Variants in AR observed in about 807,000 individuals in gnomAD.
AR encodes the protein androgen receptor.
A neutral mutation model predicts 53.9 loss-of-function variants in AR; 8 were observed. The ratio of observed to expected loss-of-function variants is 0.15; its 90% CI spans 0.09 to 0.27. The LOEUF (loss-of-function observed/expected upper bound fraction) is 0.27. AR is among the 10% of genes least tolerant of loss of function. The probability of loss-of-function intolerance (pLI) is 1.00; values close to 1 mark genes in which losing one functional copy is unlikely to be tolerated. For missense variants in AR, 639 were observed against 742.5 expected (o/e 0.86, Z 1.62); for synonymous variants, 359 against 316.4 (o/e 1.13, Z -1.43).
rs774151226 is a variant in AR at position 67,717,712 on chromosome X, T to C, written c.2318+90T>C. 175 of 1,133,174 alleles carry C rather than the reference T, an allele frequency of 1.5e-4. No homozygotes were observed. In the Middle Eastern group the frequency reaches 0.01, roughly 68 times the overall value. 93.4% of individuals were successfully genotyped at this position (1,133,174 alleles called of 1,213,427 possible). On this transcript the variant is annotated intron_variant, in intron 5 of 7. Coordinates refer to ENST00000374690, the MANE Select transcript of AR (RefSeq NM_000044.6). Reference sequence around the variant, plus strand: ...GATGGTGATGGGGTGACAGTGAAGCTTAGCTCATTTGATCTGCAGTTGTCG... The same window carrying C: ...GATGGTGATGGGGTGACAGTGAAGCCTAGCTCATTTGATCTGCAGTTGTCG...
Position 67,723,992 on chromosome X carries a change from T to C in AR, c.*151T>C. 2.5e-6 allele frequency: 2 copies of C among 785,103 alleles called. No individual in the cohort carries two copies. The highest frequency in any genetic ancestry group is 5.3e-5 in the South Asian group (2 of 37,795). 64.7% of individuals were successfully genotyped at this position (785,103 alleles called of 1,213,427 possible). ...CATGAACATGTTCCTGAATTCTATT[T>C]GCTGGGCTTTTTTTTTCTCTTTCTC... On this transcript the variant is annotated 3_prime_UTR_variant, in exon 8 of 8. Transcript: ENST00000374690.
At chrX:67,546,813 T>C in intron 1 of AR, 51 bp downstream of exon 1, 4 of 1,145,889 alleles carry the variant, frequency 3.5e-6, no homozygotes, top group Non-Finnish European at 4.7e-6. Context: ...GCAGAGTCAC[T>C]CTGTGTTCTG....
intron 1 of AR, among the ~76,000 whole-genome samples, chrX:67,558,548 T>G (rs1488370135): frequency 9.0e-6 from 1 of 111,595 alleles, no homozygotes. Context: ...GCTCTGCCCC[T>G]ATTATAGTCC....
At chrX:67,705,663 C>A (rs969884390) in intron 3 of AR, among the ~76,000 whole-genome samples, 6 of 111,492 alleles carry the variant, frequency 5.4e-5, no homozygotes, top group Non-Finnish European at 1.1e-4. Context: ...ATTGTCCTAG[C>A]CAGAACTTCC....
Position 67,544,849 on chromosome X carries a change from G to GT in AR, c.-291dup, listed in dbSNP as rs966310966. The GT allele has an allele frequency of 1.9e-5, 5 of 257,521 alleles. No individual in the cohort carries two copies. Among genetic ancestry groups the GT allele is most frequent in the African/African-American group, 8.4e-5 (3 of 35,804 alleles). 21.2% of individuals were successfully genotyped at this position (257,521 alleles called of 1,213,427 possible). On this transcript the variant is annotated 5_prime_UTR_variant, in exon 1 of 8. Transcript: ENST00000374690. ...CTGAATTTGGAAGGTGGAGGATTTT[G>GT]TTTTTTTCTTTTAAGATCTGGGCAT...
At chrX:67,562,260 A>G (rs1249851917) in intron 1 of AR, among the ~76,000 whole-genome samples, 3 of 110,085 alleles carry the variant, frequency 2.7e-5, no homozygotes, top group African/African-American at 3.3e-5. Context: ...CAATGTGCCC[A>G]GCCTGAAAGA....
chrX:67,709,463 T>C (rs912649207), intron 3 of AR, among the ~76,000 whole-genome samples: 4 of 112,474 alleles, frequency 3.6e-5, no homozygotes, highest in Non-Finnish European at 7.5e-5. Context: ...AATCTCCTGG[T>C]GTGCCGTTTG....
At chrX:67,674,884 G>A (rs2075890091) in intron 2 of AR, among the ~76,000 whole-genome samples, 1 of 111,099 alleles carries the variant, frequency 9.0e-6, no homozygotes, top group South Asian at 3.9e-4. Context: ...AGCCACCACA[G>A]CTGGGAATAT....
At chrX:67,602,235 C>T (rs1329435101) in intron 1 of AR, among the ~76,000 whole-genome samples, 3 of 111,702 alleles carry the variant, frequency 2.7e-5, no homozygotes, top group African/African-American at 9.8e-5. Context: ...AATATTTTTA[C>T]CCGGACTGAG....
intron 1 of AR, among the ~76,000 whole-genome samples, chrX:67,560,384 T>C (rs1180225509): frequency 8.9e-6 from 1 of 111,896 alleles, no homozygotes. Context: ...CTAATTCCTA[T>C]TGTATTTGTG....
intron 2 of AR, among the ~76,000 whole-genome samples, chrX:67,644,607 G>C (rs926515269): frequency 1.8e-5 from 2 of 112,057 alleles, no homozygotes; most frequent in African/African-American, 6.5e-5. Context: ...AAGGTAGAAA[G>C]AGAATGCCCT....
chrX:67,696,714 T>A (rs1210437658), intron 3 of AR, among the ~76,000 whole-genome samples: 3 of 111,123 alleles, frequency 2.7e-5, no homozygotes, highest in African/African-American at 9.8e-5. Flanking sequence ...TTGGTTGCAC[T>A]CCCTACTAAT....
chrX:67,718,276 G>A lies in AR; in HGVS notation c.2318+654G>A, dbSNP rs570153169. Among the ~76,000 whole-genome samples the A allele has an allele frequency of 2.7e-5, 3 of 111,164 alleles. No individual in the cohort carries two copies. In the Admixed American group the frequency reaches 2.9e-4, roughly 11 times the overall value. ...ACTGATGGGAAGGAGTACCTCTACC[G>A]CTCTCTGGCTGTGTGACCTTGGTAC... On this transcript the variant is annotated intron_variant, in intron 5 of 7. Coordinates refer to ENST00000374690, the MANE Select transcript of AR (RefSeq NM_000044.6).
intron 1 of AR, among the ~76,000 whole-genome samples, chrX:67,614,379 T>A (rs1569282885): frequency 9.0e-6 from 1 of 111,691 alleles, no homozygotes; most frequent in Non-Finnish European, 1.9e-5. Context: ...CAACAAAAAT[T>A]AAAAATAAAA....
chrX:67,594,906 A>G (rs1923009001), intron 1 of AR, among the ~76,000 whole-genome samples: 1 of 111,664 alleles, frequency 9.0e-6, no homozygotes, highest in Admixed American at 9.5e-5. Context: ...CCAAGATCAC[A>G]GGACTGCACT....
At chrX:67,602,065 A>T (rs1418529258) in intron 1 of AR, among the ~76,000 whole-genome samples, 1 of 112,190 alleles carries the variant, frequency 8.9e-6, no homozygotes, top group Non-Finnish European at 1.9e-5. Flanking sequence ...CAATTAATTA[A>T]GTTGGAGACA....
intron 2 of AR, among the ~76,000 whole-genome samples, chrX:67,685,129 T>C (rs766419941): frequency 1.8e-5 from 2 of 111,806 alleles, no homozygotes; most frequent in South Asian, 7.5e-4. Flanking sequence ...GATGTATTTT[T>C]GCCTATTCCT....
chrX:67,669,268 A>G (rs931375602), intron 2 of AR, among the ~76,000 whole-genome samples: 1 of 111,518 alleles, frequency 9.0e-6, no homozygotes, highest in Non-Finnish European at 1.9e-5. Context: ...ACATTTCAAT[A>G]AATTTTTAAA....
intron 2 of AR, among the ~76,000 whole-genome samples, chrX:67,682,814 C>A (rs1402921427): frequency 2.7e-5 from 3 of 111,830 alleles, no homozygotes; most frequent in African/African-American, 9.7e-5. Context: ...TTGCCTGTTC[C>A]ATCCCCTATC....
Sources: gnomAD v4.1 joint callset for allele counts (sites outside exome capture counted in the v4.1 genomes callset) on GRCh38, gnomAD v4.1.1 for gene constraint, MANE v1.5 for transcripts, NCBI Gene and HGNC (gene_info 2026-07-23, HGNC 2026-07-21) for gene names.